Variants in VAV3 observed in about 807,000 individuals in gnomAD.
VAV3 encodes guanine nucleotide exchange factor VAV3.
In VAV3, 94 loss-of-function variants were observed where a neutral mutation model predicts 131.2. The observed-to-expected ratio is 0.72, with a 90% CI of 0.61 to 0.85. VAV3 has a LOEUF of 0.85. Among genes scored for constraint, VAV3 ranks in the 40% least tolerant of loss-of-function variants. The probability of loss-of-function intolerance (pLI) is 0.00; values close to 1 mark genes in which losing one functional copy is unlikely to be tolerated. For synonymous variants in VAV3, 349 were observed against 342.0 expected, an observed-to-expected ratio of 1.02 and a Z score of -0.22; for missense variants, 939 against 1,002.7, an observed-to-expected ratio of 0.94 and a Z score of 0.86.
At chr1:107,767,130 G>A (rs115526819) in intron 7 of VAV3, among the ~76,000 whole-genome samples, 1,893 of 152,234 alleles carry the variant, frequency 0.012, 37 homozygotes, top group African/African-American at 0.044. Flanking sequence ...CTGGTGCTAA[G>A]CTAACAATAA....
At chr1:107,948,845 A>G (rs1674397168) in intron 1 of VAV3, among the ~76,000 whole-genome samples, 1 of 152,164 alleles carries the variant, frequency 6.6e-6, no homozygotes, top group African/African-American at 2.4e-5. Flanking sequence ...CCATCTCAAA[A>G]AAAAAATAAA....
chr1:107,713,821 G>T (rs1056881849), intron 15 of VAV3, among the ~76,000 whole-genome samples: 24 of 152,036 alleles, frequency 1.6e-4, no homozygotes, highest in Non-Finnish European at 3.4e-4. Context: ...TCTATGAGGG[G>T]CCTTTCAGGA....
At chr1:107,717,432 GT>G (rs1661177071) in intron 15 of VAV3, among the ~76,000 whole-genome samples, 2 of 152,162 alleles carry the variant, frequency 1.3e-5, no homozygotes, top group South Asian at 4.1e-4. Context: ...ATTCTGGTAC[GT>G]TGTGTCTTTG....
intron 1 of VAV3, among the ~76,000 whole-genome samples, chr1:107,876,104 A>G (rs909887874): frequency 2.2e-4 from 33 of 152,204 alleles, no homozygotes; most frequent in African/African-American, 8.0e-4. Context: ...CCAGTTAGGA[A>G]GTAGGAAAAC....
chr1:107,774,274 C>T (rs1665211664), intron 4 of VAV3, among the ~76,000 whole-genome samples: 1 of 152,116 alleles, frequency 6.6e-6, no homozygotes, highest in African/African-American at 2.4e-5. Context: ...ACCATGTTGG[C>T]CAGGCTGGTC....
chr1:107,743,646 T>G (rs1663154910), intron 15 of VAV3, among the ~76,000 whole-genome samples: 1 of 152,214 alleles, frequency 6.6e-6, no homozygotes, highest in African/African-American at 2.4e-5. Flanking sequence ...ATTTGCAGAA[T>G]GAATAAAATT....
intron 15 of VAV3, among the ~76,000 whole-genome samples, chr1:107,748,248 T>A (rs1454790554): frequency 2.0e-5 from 3 of 152,218 alleles, no homozygotes; most frequent in Non-Finnish European, 4.4e-5. Context: ...GCTAACAGTT[T>A]TATTTCAGGG....
intron 1 of VAV3, among the ~76,000 whole-genome samples, chr1:107,923,590 T>A (rs1390602329): frequency 6.6e-6 from 1 of 152,114 alleles, no homozygotes; most frequent in African/African-American, 2.4e-5. Context: ...CTTACAATCA[T>A]GGAGGAAGGT....
At chr1:107,709,476 A>C (rs1196974430) in intron 15 of VAV3, among the ~76,000 whole-genome samples, 1 of 152,184 alleles carries the variant, frequency 6.6e-6, no homozygotes, top group African/African-American at 2.4e-5. Context: ...CTGAAGAAAA[A>C]CATGATTCAC....
intron 22 of VAV3, among the ~76,000 whole-genome samples, chr1:107,609,158 G>C (rs973181063): frequency 2.0e-5 from 3 of 152,082 alleles, no homozygotes; most frequent in African/African-American, 7.2e-5. Context: ...AACAAAACAT[G>C]TACAGTACAA....
At chr1:107,644,549 G>A (rs1419513267) in intron 19 of VAV3, among the ~76,000 whole-genome samples, 4 of 152,084 alleles carry the variant, frequency 2.6e-5, no homozygotes, top group Non-Finnish European at 5.9e-5. Flanking sequence ...GTTCTGAGCC[G>A]TGGACTTCAC....
At chr1:107,644,974 G>A (rs1436541141) in intron 19 of VAV3, among the ~76,000 whole-genome samples, 1 of 113,534 alleles carries the variant, frequency 8.8e-6, no homozygotes, top group Non-Finnish European at 2.0e-5. Flanking sequence ...GTATACACTA[G>A]TATACTCTGG....
intron 2 of VAV3, among the ~76,000 whole-genome samples, chr1:107,799,283 G>A (rs1666714403): frequency 1.3e-5 from 2 of 148,956 alleles, no homozygotes; most frequent in South Asian, 2.1e-4. Flanking sequence ...TTCTTTATTT[G>A]CCTTTTCTGT....
intron 18 of VAV3, among the ~76,000 whole-genome samples, chr1:107,686,592 A>G (rs1659044383): frequency 6.6e-6 from 1 of 152,154 alleles, no homozygotes; most frequent in African/African-American, 2.4e-5. Flanking sequence ...AAGTTTCCAA[A>G]TGGATTGACT....
chr1:107,621,718 CA>C (rs1653623028), intron 20 of VAV3, among the ~76,000 whole-genome samples: 1 of 151,982 alleles, frequency 6.6e-6, no homozygotes, highest in Non-Finnish European at 1.5e-5. Flanking sequence ...TTACAAATGC[CA>C]AAGATAGGGA....
intron 19 of VAV3, among the ~76,000 whole-genome samples, chr1:107,657,554 C>A (rs937156319): frequency 6.6e-6 from 1 of 152,024 alleles, no homozygotes; most frequent in Non-Finnish European, 1.5e-5. Flanking sequence ...CCGAGAGTTG[C>A]CTCTGGGTAT....
chr1:107,797,205 C>G (rs1431817696), intron 2 of VAV3, among the ~76,000 whole-genome samples: 1 of 152,010 alleles, frequency 6.6e-6, no homozygotes, highest in African/African-American at 2.4e-5. Flanking sequence ...GAGAAATTAC[C>G]CAAGCAGTCT....
At chr1:107,939,994 T>C (rs569799551) in intron 1 of VAV3, among the ~76,000 whole-genome samples, 1 of 152,216 alleles carries the variant, frequency 6.6e-6, no homozygotes, top group Admixed American at 6.5e-5. Flanking sequence ...GCAGCTGTGG[T>C]TGCAATAAGA....
chr1:107,857,295 C>T (rs903301806), intron 2 of VAV3, among the ~76,000 whole-genome samples: 1 of 152,198 alleles, frequency 6.6e-6, no homozygotes, highest in Non-Finnish European at 1.5e-5. Context: ...TGCCCTCAAA[C>T]ATCAGACTCC....
Sources: gnomAD v4.1 joint callset for allele counts (sites outside exome capture counted in the v4.1 genomes callset) on GRCh38, gnomAD v4.1.1 for gene constraint, MANE v1.5 for transcripts, NCBI Gene and HGNC (gene_info 2026-07-23, HGNC 2026-07-21) for gene names.